Variants in SPC25 observed in about 807,000 individuals in gnomAD.
SPC25 encodes kinetochore protein Spc25.
SPC25 carries 22 observed loss-of-function variants against 29.6 expected under a neutral mutation model. The ratio of observed to expected loss-of-function variants is 0.74; its 90% confidence interval spans 0.53 to 1.06. SPC25 has a LOEUF of 1.06. Ranked by LOEUF, SPC25 falls within the 50% of genes least tolerant of loss-of-function variation. The pLI is 0.00. For synonymous variants in SPC25, 91 were observed against 90.4 expected, an observed-to-expected ratio of 1.01 and a Z score of -0.04; for missense variants, 230 against 255.8, an observed-to-expected ratio of 0.90 and a Z score of 0.69.
At chr2:168,880,703 C>A (rs1481164564) in intron 3 of SPC25, among the ~76,000 whole-genome samples, 3 of 152,184 alleles carry the variant, frequency 2.0e-5, no homozygotes, top group African/African-American at 7.2e-5. Flanking sequence ...AGACCTATGA[C>A]TCCTTCTTTC....
rs116734316 is a variant in SPC25 at position 168,863,569 on chromosome 2, T to A, written n.419+10016A>T. On this transcript the variant is annotated intron_variant and non_coding_transcript_variant, in intron 4 of 4. Coordinates refer to the SPC25 transcript ENST00000479309. Reference sequence around the variant, plus strand: ...AATTCTCTTTATTTGAATCATTGCTTTAAAAAATATTGTCTCCAAATTGAT... The same window carrying A: ...AATTCTCTTTATTTGAATCATTGCTATAAAAAATATTGTCTCCAAATTGAT... 3,486 of 985,258 alleles carry A rather than the reference T, an allele frequency of 3.5e-3. 110 individuals carry two copies. In the African/African-American group the frequency reaches 0.056, roughly 16 times the overall value. 61.0% of individuals were successfully genotyped at this position (985,258 alleles called of 1,614,324 possible).
intron 3 of SPC25, among the ~76,000 whole-genome samples, chr2:168,880,862 C>T (rs1690166663): frequency 6.6e-6 from 1 of 152,186 alleles, no homozygotes; most frequent in African/African-American, 2.4e-5. Context: ...TTAAGTTTGT[C>T]ATCTTATATG....
chr2:168,888,922 T>A (rs1690321295), intron 3 of SPC25, among the ~76,000 whole-genome samples: 1 of 131,562 alleles, frequency 7.6e-6, no homozygotes, highest in Non-Finnish European at 1.6e-5. Flanking sequence ...CCACTACATG[T>A]ACGTGTGTGT....
intron 4 of SPC25, chr2:168,865,139 A>G (rs1574352878): frequency 1.4e-6 from 1 of 721,770 alleles, no homozygotes; most frequent in South Asian, 2.0e-5. Context: ...AAACAGTCAG[A>G]AAAAAGATGG....
chr2:168,879,923 A>G lies in SPC25; in HGVS notation c.200-2539T>C, dbSNP rs1468100898. 3.3e-5 allele frequency among the ~76,000 whole-genome samples: 5 copies of G among 152,330 alleles called. No individual in the cohort carries two copies. The East Asian group carries it at 9.6e-4, about 29-fold the overall frequency. On this transcript the variant is annotated intron_variant, in intron 3 of 6. Transcript: ENST00000282074. ...AATGAGCAGAAATATTTTGAAAGCC[A>G]TCTTTTTTCCTGAGTAGAAGGCCTC...
intron 5 of SPC25, among the ~76,000 whole-genome samples, chr2:168,874,562 G>C (rs1257015275): frequency 3.9e-5 from 6 of 152,134 alleles, no homozygotes; most frequent in Admixed American, 6.6e-5. Context: ...CTTGGCTGCT[G>C]TGGTCTTTTT....
At chr2:168,865,864 C>T (rs1212289064) in intron 4 of SPC25, among the ~76,000 whole-genome samples, 1 of 152,244 alleles carries the variant, frequency 6.6e-6, no homozygotes, top group Non-Finnish European at 1.5e-5. Context: ...AGTGAACTCC[C>T]ATTCACAATT....
chr2:168,872,832 A>G (rs564886066), intron 6 of SPC25, among the ~76,000 whole-genome samples: 1 of 152,148 alleles, frequency 6.6e-6, no homozygotes, highest in Non-Finnish European at 1.5e-5. Context: ...AATTCCCCAG[A>G]AATAGGAACT....
At chr2:168,869,467 C>T (rs918391367), downstream of SPC25, among the ~76,000 whole-genome samples, 1 of 152,222 alleles carries the variant, frequency 6.6e-6, no homozygotes, top group Non-Finnish European at 1.5e-5. Context: ...CCCATCGTCT[C>T]AGCCCAAAAT....
At chr2:168,870,157 T>TTC (rs1559151910), downstream of SPC25, among the ~76,000 whole-genome samples, 1 of 151,102 alleles carries the variant, frequency 6.6e-6, no homozygotes, top group African/African-American at 2.4e-5. Flanking sequence ...TAGCCATATG[T>TTC]AGAAAGCTGA....
intron 4 of SPC25, among the ~76,000 whole-genome samples, chr2:168,863,818 G>C (rs77644297): frequency 6.6e-6 from 1 of 152,126 alleles, no homozygotes; most frequent in East Asian, 1.9e-4. Flanking sequence ...CTCAAAGTAC[G>C]GACACCAAGA....
At chr2:168,887,334 A>G (rs1690285307) in intron 3 of SPC25, among the ~76,000 whole-genome samples, 1 of 151,986 alleles carries the variant, frequency 6.6e-6, no homozygotes, top group African/African-American at 2.4e-5. Flanking sequence ...AGGCAGGAGA[A>G]TCACTTGAAC....
Position 168,889,317 on chromosome 2 carries a change from TC to T in SPC25, c.134-27del, listed in dbSNP as rs771857923. ...CTGAAAGAGAAATTGAACTTTCAATTCAGCTGCAATAACACTAAAAAATAAA... is the reference window on the plus strand; with the variant it reads ...CTGAAAGAGAAATTGAACTTTCAATTAGCTGCAATAACACTAAAAAATAAA... On this transcript the variant is annotated intron_variant, in intron 2 of 6. Transcript: ENST00000282074. 10 of 1,613,406 alleles carry T rather than the reference TC, an allele frequency of 6.2e-6. No individual in the cohort carries two copies. The African/African-American group carries it at 1.2e-4, about 19-fold the overall frequency.
At chr2:168,875,467 A>G (rs1690068436) in intron 5 of SPC25, among the ~76,000 whole-genome samples, 1 of 152,184 alleles carries the variant, frequency 6.6e-6, no homozygotes, top group South Asian at 2.1e-4. Flanking sequence ...AAAGAGATTA[A>G]CAACAACTAA....
intron 2 of SPC25, 22 bp downstream of exon 2, chr2:168,889,365 G>A: frequency 1.2e-6 from 2 of 1,613,814 alleles, no homozygotes; most frequent in Non-Finnish European, 1.7e-6. Context: ...AAACCAGCAT[G>A]TTACAAGTTA....
At chr2:168,872,721 G>T (rs570156048) in intron 6 of SPC25, among the ~76,000 whole-genome samples, 1 of 152,100 alleles carries the variant, frequency 6.6e-6, no homozygotes, top group Non-Finnish European at 1.5e-5. Flanking sequence ...AGGTTTTTGG[G>T]GCTTGCTTTT....
chr2:168,863,935 G>C (rs1325860281), intron 4 of SPC25, among the ~76,000 whole-genome samples: 1 of 151,616 alleles, frequency 6.6e-6, no homozygotes, highest in African/African-American at 2.4e-5. Context: ...TTTTGAGGCA[G>C]AGTCTTGCTC....
chr2:168,876,177 C>A lies in SPC25; in HGVS notation c.347-1G>T. 6.5e-7 allele frequency: 1 copy of A among 1,544,490 alleles called. No individual in the cohort carries two copies. The highest frequency in any genetic ancestry group is 1.3e-5 in the South Asian group (1 of 78,642). On this transcript the variant is annotated splice_acceptor_variant, in intron 4 of 6. Coordinates refer to ENST00000282074, the MANE Select transcript of SPC25 (RefSeq NM_020675.4). LOFTEE classifies it high-confidence loss of function. ...TTCGCTTTATTAGCAGTAGAAATAG[C>A]TGATTAAAAAACACACACAATATTA... is the stretch of plus-strand genomic sequence containing the variant.
At chr2:168,866,784 A>AAAC (rs199622400), downstream of SPC25, among the ~76,000 whole-genome samples, 3 of 149,254 alleles carry the variant, frequency 2.0e-5, no homozygotes, top group African/African-American at 4.9e-5. Context: ...TTACAAGAAA[A>AAAC]AAACAACCAC....
Sources: gnomAD v4.1 joint callset for allele counts (sites outside exome capture counted in the v4.1 genomes callset) on GRCh38, gnomAD v4.1.1 for gene constraint, MANE v1.5 for transcripts, NCBI Gene and HGNC (gene_info 2026-07-23, HGNC 2026-07-21) for gene names.